Variants in ERBIN observed in about 807,000 individuals in gnomAD.
The protein encoded by ERBIN is densin-180-like protein.
Under a neutral mutation model 158.4 loss-of-function variants are expected in ERBIN, and 60 were observed. The observed-to-expected ratio is 0.38, with a 90% confidence interval of 0.31 to 0.47. The LOEUF is 0.47. Among genes scored for constraint, ERBIN ranks in the 20% least tolerant of loss-of-function variants. The probability of loss-of-function intolerance (pLI) is 0.99; values close to 1 mark genes in which losing one functional copy is unlikely to be tolerated. For synonymous variants in ERBIN, 594 were observed against 557.2 expected, an observed-to-expected ratio of 1.07 and a Z score of -0.93; for missense variants, 1,610 against 1,648.0, an observed-to-expected ratio of 0.98 and a Z score of 0.40.
chr5:65,938,137 A>T (rs2150864572), intron 1 of ERBIN, among the ~76,000 whole-genome samples: 1 of 152,092 alleles, frequency 6.6e-6, no homozygotes, highest in Admixed American at 6.6e-5. Flanking sequence ...GAAACCATAT[A>T]TTTTTGTTAT....
At chr5:65,935,406 T>C (rs1180967096) in intron 1 of ERBIN, among the ~76,000 whole-genome samples, 1 of 152,222 alleles carries the variant, frequency 6.6e-6, no homozygotes, top group Non-Finnish European at 1.5e-5. Context: ...AGAAATAGTT[T>C]TGTTTCCATA....
At chr5:66,047,704 G>A (rs1758582337) in intron 18 of ERBIN, among the ~76,000 whole-genome samples, 1 of 151,948 alleles carries the variant, frequency 6.6e-6, no homozygotes, top group South Asian at 2.1e-4. Flanking sequence ...TATCCTGTGA[G>A]CTGTCATTTA....
chr5:65,936,025 C>G (rs1744040844), intron 1 of ERBIN, among the ~76,000 whole-genome samples: 1 of 152,110 alleles, frequency 6.6e-6, no homozygotes, highest in African/African-American at 2.4e-5. Context: ...CTGCACCCAG[C>G]TGTGGTTTTC....
intron 1 of ERBIN, among the ~76,000 whole-genome samples, chr5:65,938,365 A>G (rs1020494653): frequency 1.5e-5 from 2 of 131,476 alleles, no homozygotes. Flanking sequence ...GTGAGCAGGC[A>G]TAGGTCTTTT....
chr5:66,052,843 T>C (rs572140673), intron 20 of ERBIN, among the ~76,000 whole-genome samples: 3 of 152,326 alleles, frequency 2.0e-5, no homozygotes, highest in Non-Finnish European at 4.4e-5. Flanking sequence ...TTTACATATT[T>C]GATGTTAAAC....
At chr5:65,936,672 G>A (rs140617198) in intron 1 of ERBIN, among the ~76,000 whole-genome samples, 1 of 152,304 alleles carries the variant, frequency 6.6e-6, no homozygotes, top group East Asian at 1.9e-4. Flanking sequence ...AGGAAGGCTG[G>A]ATAAGGTGAA....
intron 1 of ERBIN, among the ~76,000 whole-genome samples, chr5:65,928,484 A>AAT (rs1742956165): frequency 6.6e-6 from 1 of 152,152 alleles, no homozygotes; most frequent in South Asian, 2.1e-4. Flanking sequence ...ACAAAACCTT[A>AAT]ATAGAGCAAG....
intron 12 of ERBIN, 79 bp downstream of exon 12, chr5:66,026,056 C>T: frequency 8.3e-7 from 1 of 1,198,258 alleles, no homozygotes; most frequent in Non-Finnish European, 1.2e-6. Context: ...TTTAGTGTGG[C>T]TTCATTTATT....
intron 1 of ERBIN, among the ~76,000 whole-genome samples, chr5:65,930,469 G>A (rs1470155197): frequency 6.6e-6 from 1 of 152,098 alleles, no homozygotes; most frequent in Non-Finnish European, 1.5e-5. Context: ...CACTGTGCCC[G>A]GCTAATTTTT....
intron 1 of ERBIN, among the ~76,000 whole-genome samples, chr5:65,968,285 G>A (rs977487549): frequency 6.6e-6 from 1 of 152,118 alleles, no homozygotes; most frequent in Non-Finnish European, 1.5e-5. Context: ...TGTCCGGCAC[G>A]GTGAGGATTT....
chr5:66,070,410 C>T (rs1447024961), intron 21 of ERBIN, among the ~76,000 whole-genome samples: 1 of 152,154 alleles, frequency 6.6e-6, no homozygotes, highest in Non-Finnish European at 1.5e-5. Flanking sequence ...CCAAGAGTCC[C>T]TGGGGGTAAA....
intron 21 of ERBIN, among the ~76,000 whole-genome samples, chr5:66,056,719 A>T (rs116396963): frequency 0.01 from 1,525 of 152,276 alleles, 23 homozygotes; most frequent in African/African-American, 0.034. Flanking sequence ...GTGTCTGAAC[A>T]CAAATCTGCA....
intron 1 of ERBIN, among the ~76,000 whole-genome samples, chr5:65,940,126 C>A (rs1214451376): frequency 5.3e-5 from 8 of 151,542 alleles, no homozygotes; most frequent in Admixed American, 4.6e-4. Flanking sequence ...GGCCGCCATC[C>A]CATCTAGGAA....
chr5:65,986,213 C>G (rs1278830322), intron 1 of ERBIN, among the ~76,000 whole-genome samples: 1 of 152,230 alleles, frequency 6.6e-6, no homozygotes, highest in Non-Finnish European at 1.5e-5. Context: ...CTATATCCAG[C>G]TGCTTACTCA....
intron 1 of ERBIN, among the ~76,000 whole-genome samples, chr5:65,975,583 G>A (rs559860226): frequency 6.6e-6 from 1 of 152,358 alleles, no homozygotes; most frequent in South Asian, 2.1e-4. Context: ...TGGGATTACA[G>A]GTGTGGGCCA....
At chr5:65,968,600 G>C (rs552408254) in intron 1 of ERBIN, among the ~76,000 whole-genome samples, 14 of 152,252 alleles carry the variant, frequency 9.2e-5, no homozygotes, top group African/African-American at 2.6e-4. Flanking sequence ...TTGCTCCGTT[G>C]CCCAGGCTGG....
chr5:65,954,791 T>C (rs1272637995), intron 1 of ERBIN, among the ~76,000 whole-genome samples: 2 of 148,610 alleles, frequency 1.3e-5, no homozygotes, highest in Non-Finnish European at 3.0e-5. Flanking sequence ...GTAGGCCAGG[T>C]GCGATGGCTC....
intron 14 of ERBIN, among the ~76,000 whole-genome samples, chr5:66,033,761 T>G (rs537836316): frequency 4.6e-5 from 7 of 152,120 alleles, no homozygotes; most frequent in Admixed American, 2.6e-4. Context: ...AGGGATCCTT[T>G]AATATTGCAG....
At chr5:66,016,797 T>C (rs1387944948) in intron 7 of ERBIN, among the ~76,000 whole-genome samples, 1 of 152,114 alleles carries the variant, frequency 6.6e-6, no homozygotes, top group Non-Finnish European at 1.5e-5. Context: ...GTATTTTTAG[T>C]AGAGACGGGG....
Sources: allele counts gnomAD v4.1 joint callset (sites outside exome capture counted in the v4.1 genomes callset), GRCh38; gene constraint gnomAD v4.1.1; transcripts MANE v1.5; gene names NCBI Gene and HGNC (gene_info 2026-07-23, HGNC 2026-07-21).